The following PAX7 variants were observed in gnomAD, a reference collection of about 807,000 sequenced individuals.
PAX7 encodes the protein paired box 7, also known as paired box protein Pax-7.
PAX7 carries 18 observed loss-of-function variants against 50.7 expected under a neutral mutation model. The observed-to-expected ratio is 0.36, with a 90% CI of 0.25 to 0.53. The LOEUF is 0.53. Among genes scored for constraint, PAX7 ranks in the 20% least tolerant of loss-of-function variants. PAX7 has a pLI of 0.93. For synonymous variants in PAX7, 310 were observed against 290.4 expected (o/e 1.07, Z -0.69); for missense variants, 644 against 702.9 (o/e 0.92, Z 0.95).
At chr1:18,690,490 T>A (rs893882612) in intron 4 of PAX7, among the ~76,000 whole-genome samples, 4 of 152,158 alleles carry the variant, frequency 2.6e-5, no homozygotes, top group African/African-American at 9.6e-5. Flanking sequence ...GCCACAGGAT[T>A]GATGGGGACA....
Position 18,634,496 on chromosome 1 carries a change from C to A in PAX7, c.279C>A (p.Thr93=). ...AGATTCTTTGCCGCTACCAGGAGAC[C>A]GGGTCCATCCGGCCTGGGGCCATCG... ...VSKILCRYQE[T]GSIRPGAIGG... Residue 93 remains threonine (T), a synonymous_variant, in exon 2 of 9, where the codon ACC becomes ACA. Transcript: ENST00000420770. This position sits in a 1 kb window ranked among gnomAD's most constrained non-coding sequence, Gnocchi z 4.0. 6.2e-7 allele frequency: 1 copy of A among 1,614,078 alleles called. No individual in the cohort carries two copies. The highest frequency in any genetic ancestry group is 8.5e-7 in the Non-Finnish European group (1 of 1,180,042).
intron 8 of PAX7, among the ~76,000 whole-genome samples, chr1:18,740,867 T>G (rs1188554263): frequency 6.6e-6 from 1 of 152,126 alleles, no homozygotes; most frequent in Non-Finnish European, 1.5e-5. Flanking sequence ...GAACTGCAGG[T>G]CATTTTGTTA....
chr1:18,691,552 A>G (rs917721726), intron 4 of PAX7, among the ~76,000 whole-genome samples: 2 of 152,240 alleles, frequency 1.3e-5, no homozygotes, highest in African/African-American at 4.8e-5. Context: ...AGGGTTGGGC[A>G]TGGAGGTTGC....
chr1:18,645,798 G>A (rs1259472792), intron 4 of PAX7, among the ~76,000 whole-genome samples: 1 of 152,212 alleles, frequency 6.6e-6, no homozygotes, highest in Non-Finnish European at 1.5e-5. Context: ...GGAGTCAGGA[G>A]GAGTCCTAAG....
At chr1:18,679,919 C>T (rs1169999364) in intron 4 of PAX7, among the ~76,000 whole-genome samples, 4 of 152,168 alleles carry the variant, frequency 2.6e-5, no homozygotes, top group Non-Finnish European at 5.9e-5. Flanking sequence ...AATAGGTCCA[C>T]ACTACATGGA....
chr1:18,646,908 C>T (rs367731878), intron 4 of PAX7, among the ~76,000 whole-genome samples: 2 of 147,188 alleles, frequency 1.4e-5, no homozygotes, highest in African/African-American at 5.0e-5. Flanking sequence ...GGGAGCGGCC[C>T]GCCCGCGCCC....
chr1:18,699,918 C>A (rs1040419555), intron 5 of PAX7, among the ~76,000 whole-genome samples: 1 of 152,124 alleles, frequency 6.6e-6, no homozygotes, highest in Non-Finnish European at 1.5e-5. Context: ...TGGACTTGGG[C>A]AAGCAACTTG....
At chr1:18,658,012 GC>G (rs2088547769) in intron 4 of PAX7, among the ~76,000 whole-genome samples, 1 of 152,094 alleles carries the variant, frequency 6.6e-6, no homozygotes, top group Non-Finnish European at 1.5e-5. Flanking sequence ...CCTCTCAATG[GC>G]CCTCTTTAGA....
intron 4 of PAX7, among the ~76,000 whole-genome samples, chr1:18,675,538 G>T (rs2088811355): frequency 6.6e-6 from 1 of 152,062 alleles, no homozygotes; most frequent in Middle Eastern, 3.2e-3. Flanking sequence ...GGGCTCTGGA[G>T]GTGGGGTAAT....
chr1:18,735,658 T>C lies in PAX7; in HGVS notation c.1182T>C (p.Ser394=), dbSNP rs1378429887. Reference sequence around the variant, plus strand: ...TGATGAGCATCTTGGGCAACCCCAGTGCGGTGCCCCCGCAGCCACAGGCTG... The same window carrying C: ...TGATGAGCATCTTGGGCAACCCCAGCGCGGTGCCCCCGCAGCCACAGGCTG... ...PQVMSILGNP[S]AVPPQPQADF... is the part of the protein sequence containing the mutation. The change falls in exon 8 of 9, where the codon AGT becomes AGC. Residue 394 remains serine (S), a synonymous_variant. Transcript: ENST00000420770. The surrounding 1 kb of genome is among the most constrained non-coding windows in gnomAD (Gnocchi z 4.0). 4 of 1,613,772 alleles carry C rather than the reference T, an allele frequency of 2.5e-6. No individual in the cohort carries two copies. In the East Asian group the frequency reaches 8.9e-5, roughly 36 times the overall value.
At chr1:18,733,494 C>T (rs1000763010) in intron 7 of PAX7, among the ~76,000 whole-genome samples, 4 of 152,138 alleles carry the variant, frequency 2.6e-5, no homozygotes, top group African/African-American at 7.2e-5. Context: ...CCCAAATCTC[C>T]CCAGCTGTGT....
rs2088167317 is a variant in PAX7 at position 18,636,829 on chromosome 1, G to A, written c.586+458G>A. On this transcript the variant is annotated intron_variant, in intron 4 of 8. Transcript: ENST00000420770. This position sits in a 1 kb window ranked among gnomAD's most constrained non-coding sequence, Gnocchi z 5.1. ...GCTCCCTAAATGAATTTGTTAACCA[G>A]ACCCCCACACGCTCTCTAAACGGTC... is the stretch of plus-strand genomic sequence containing the variant. Among the ~76,000 whole-genome samples the A allele has an allele frequency of 2.0e-5, 3 of 152,176 alleles. No homozygotes were observed. The highest frequency in any genetic ancestry group is 2.0e-4 in the Admixed American group (3 of 15,290).
At chr1:18,733,227 A>G (rs2100400763) in intron 7 of PAX7, among the ~76,000 whole-genome samples, 1 of 152,202 alleles carries the variant, frequency 6.6e-6, no homozygotes, top group African/African-American at 2.4e-5. Flanking sequence ...ACAGTCCCAC[A>G]GTGTCAGACA....
At chr1:18,647,415 C>G (rs973339422) in intron 4 of PAX7, among the ~76,000 whole-genome samples, 5 of 151,384 alleles carry the variant, frequency 3.3e-5, no homozygotes, top group African/African-American at 1.2e-4. Context: ...AAAAGTCATC[C>G]CCGCTGTGGT....
intron 4 of PAX7, among the ~76,000 whole-genome samples, chr1:18,674,235 A>C (rs1253604693): frequency 6.6e-6 from 1 of 152,232 alleles, no homozygotes; most frequent in Non-Finnish European, 1.5e-5. Flanking sequence ...CTTGGAGCGG[A>C]AACAGGGTTC....
intron 7 of PAX7, among the ~76,000 whole-genome samples, chr1:18,718,704 T>G (rs1386836367): frequency 1.3e-5 from 2 of 151,568 alleles, no homozygotes; most frequent in Admixed American, 1.3e-4. Flanking sequence ...GTTCAGTGGC[T>G]CGATCTCAGC....
At chr1:18,736,788 A>G (rs1219427388) in intron 8 of PAX7, among the ~76,000 whole-genome samples, 4 of 152,190 alleles carry the variant, frequency 2.6e-5, no homozygotes, top group East Asian at 1.9e-4. Flanking sequence ...AAATAACCCA[A>G]TTGAAGATTG....
chr1:18,702,047 C>T (rs534066575), intron 6 of PAX7, among the ~76,000 whole-genome samples: 51 of 152,038 alleles, frequency 3.4e-4, no homozygotes, highest in Non-Finnish European at 6.2e-4. Context: ...ATATTGGCCT[C>T]ATGGGCTGGG....
At chr1:18,671,372 A>G (rs1482934677) in intron 4 of PAX7, among the ~76,000 whole-genome samples, 1 of 152,264 alleles carries the variant, frequency 6.6e-6, no homozygotes, top group East Asian at 1.9e-4. Flanking sequence ...AGGAGGAAAG[A>G]AAAGAAATGG....
Sources: allele counts gnomAD v4.1 joint callset (sites outside exome capture counted in the v4.1 genomes callset), GRCh38; gene constraint gnomAD v4.1.1; non-coding constraint Gnocchi (gnomAD v3.1); transcripts MANE v1.5; gene names NCBI Gene and HGNC (gene_info 2026-07-23, HGNC 2026-07-21).